The following NADK variants were observed in gnomAD, a reference collection of about 807,000 sequenced individuals.
NADK encodes NAD kinase, also known as poly(P)/ATP NAD kinase.
A neutral mutation model predicts 49.8 loss-of-function variants in NADK; 22 were observed. That is an observed-to-expected ratio of 0.44 (90% CI 0.32 to 0.63). The LOEUF (loss-of-function observed/expected upper bound fraction) is 0.63, where lower values mean the gene tolerates loss of function less well. Among genes scored for constraint, NADK ranks in the 30% least tolerant of loss-of-function variants. NADK has a pLI of 0.06. For missense variants in NADK, 438 were observed against 609.4 expected (o/e 0.72, Z 2.96); for synonymous variants, 268 against 253.7 (o/e 1.06, Z -0.54).
intron 1 of NADK, among the ~76,000 whole-genome samples, chr1:1,769,039 G>A (rs936231191): frequency 6.6e-6 from 1 of 152,200 alleles, no homozygotes; most frequent in Non-Finnish European, 1.5e-5. Flanking sequence ...CCCAGGCACC[G>A]GCACTTTAAA....
intron 3 of NADK, chr1:1,759,835 C>T (rs781121217): frequency 6.3e-5 from 97 of 1,551,234 alleles, no homozygotes; most frequent in East Asian, 9.8e-5. Flanking sequence ...CCGGTGACCC[C>T]GCCCTGGCCC....
Position 1,754,100 on chromosome 1 carries a change from T to A in NADK, c.1052A>T (p.His351Leu), listed in dbSNP as rs1348197141. The A allele has an allele frequency of 6.2e-7, 1 of 1,605,752 alleles. No homozygotes were observed. ...PAIMITPICP[H>L]SLSFRPIVVP... The stretch of plus-strand genomic sequence containing the variant: ...CACGATGGGCCGGAAGGACAGCGAG[T>A]GGGGGCAGATGGGCGTGATCATGAT... The change falls in exon 10 of 12, where the codon CAC (histidine) becomes CTC (leucine). Residue 351 changes from histidine (H) to leucine (L), a missense_variant. Physicochemically the swap from His to Leu is moderately conservative, Grantham distance 99. Transcript: ENST00000341426. This position sits in a 1 kb window ranked among gnomAD's most constrained non-coding sequence, Gnocchi z 4.3.
Position 1,765,151 on chromosome 1 carries a change from T to C in NADK, c.179+77A>G, listed in dbSNP as rs960666251. On this transcript the variant is annotated intron_variant, in intron 2 of 11. Transcript: ENST00000341426. ...ATCGACGCAGACTACTCAGGAGAAT[T>C]CTTCATAATCGTTTTAAGAAAGAAT... is the stretch of plus-strand genomic sequence containing the variant. 12 of 1,391,126 alleles carry C rather than the reference T, an allele frequency of 8.6e-6. No individual in the cohort carries two copies. In the African/African-American group the frequency reaches 1.7e-4, roughly 20 times the overall value. 86.2% of individuals were successfully genotyped at this position (1,391,126 alleles called of 1,614,324 possible).
intron 3 of NADK, 53 bp from the exon 4 acceptor site, chr1:1,757,363 A>C: frequency 6.8e-7 from 1 of 1,475,488 alleles, no homozygotes; most frequent in South Asian, 1.2e-5. Flanking sequence ...CTCTTGCGGA[A>C]AAGGTGTATG....
intron 1 of NADK, among the ~76,000 whole-genome samples, chr1:1,765,729 C>A (rs527884859): frequency 2.1e-4 from 32 of 151,372 alleles, no homozygotes; most frequent in Non-Finnish European, 4.1e-4. Context: ...CTCGCCTGAC[C>A]AATATGGTGA....
rs369884851 is a variant in NADK at position 1,754,060 on chromosome 1, G to A, written c.1092C>T (p.Val364=). 18 of 1,579,902 alleles carry A rather than the reference G, an allele frequency of 1.1e-5. No individual in the cohort carries two copies. The highest frequency in any genetic ancestry group is 1.9e-5 in the Admixed American group (1 of 52,286). Residue 364 remains valine, a synonymous_variant, in exon 10 of 12, where the codon GTC becomes GTT. Transcript: ENST00000341426. The surrounding 1 kb of genome is among the most constrained non-coding windows in gnomAD (Gnocchi z 4.3). ...TGTCGTTGGCTCTGACCTTCAGCTCGACCCCTGCGGGGACCACGATGGGCC... is the reference window on the plus strand; with the variant it reads ...TGTCGTTGGCTCTGACCTTCAGCTCAACCCCTGCGGGGACCACGATGGGCC... ...SFRPIVVPAG[V]ELKIMLSPEA...
intron 3 of NADK, chr1:1,758,689 C>CAG (rs371886731): frequency 7.1e-7 from 1 of 1,400,622 alleles, no homozygotes; most frequent in Non-Finnish European, 9.3e-7. Flanking sequence ...CAAAACAAAA[C>CAG]AGTTTCCTCA....
intron 1 of NADK, among the ~76,000 whole-genome samples, chr1:1,773,665 G>A (rs1302774361): frequency 1.3e-5 from 2 of 148,428 alleles, no homozygotes; most frequent in Non-Finnish European, 3.0e-5. Flanking sequence ...ACATTACCTA[G>A]AAGCTCTATT....
At position 1,752,774 on chromosome 1, in the gene NADK, T is replaced by C. The variant is rs1645365303; in HGVS notation, c.*130A>G. The C allele has an allele frequency of 1.8e-6, 2 of 1,114,956 alleles. No homozygotes were observed. The highest frequency in any genetic ancestry group is 3.1e-5 in the South Asian group (2 of 64,776). 69.1% of individuals were successfully genotyped at this position (1,114,956 alleles called of 1,614,324 possible). A position where few individuals can be genotyped will look rare whatever the true frequency, so the allele number is the denominator to read the frequency against. ...ATCTGGACAAAAGGCAGACCCAGGC[T>C]CTAACCCAGCTACAGAAAGGAAGTG... On this transcript the variant is annotated 3_prime_UTR_variant, in exon 12 of 12. Coordinates refer to ENST00000341426, the MANE Select transcript of NADK (RefSeq NM_023018.5).
rs956974974 is a variant in NADK, at chr1:1,756,309, G to A, written c.534C>T (p.Ile178=). ...YDDISNQIDF[I]ICLGGDGTLL... ...GCGTCCCGTCTCCCCCCAGGCAGATGATGAAGTCTATCTGATTGGAAATGT... is the reference window on the plus strand; with the variant it reads ...GCGTCCCGTCTCCCCCCAGGCAGATAATGAAGTCTATCTGATTGGAAATGT... Residue 178 remains isoleucine, a synonymous_variant, in exon 6 of 12, where the codon ATC becomes ATT. Coordinates refer to ENST00000341426, the MANE Select transcript of NADK (RefSeq NM_023018.5). The A allele has an allele frequency of 3.1e-6, 5 of 1,614,054 alleles. No individual in the cohort carries two copies. In the African/African-American group the frequency reaches 6.7e-5, roughly 22 times the overall value.
chr1:1,760,000 C>A, intron 3 of NADK: 1 of 1,341,392 alleles, frequency 7.5e-7, no homozygotes. Flanking sequence ...CGGGACAGAG[C>A]CACGGCGGGG....
chr1:1,760,116 CGGGCAATAGTGCAGGGGAGCT>C (rs1229823706), intron 3 of NADK, among the ~76,000 whole-genome samples: 1 of 152,146 alleles, frequency 6.6e-6, no homozygotes, highest in Non-Finnish European at 1.5e-5. Context: ...GGAGGGCAGC[CGGGCAATAGTGCAGGGGAGCT>C]GCTTGGATAT....
At chr1:1,757,348 T>A in intron 3 of NADK, 38 bp from the exon 4 acceptor site, 1 of 1,539,378 alleles carries the variant, frequency 6.5e-7, no homozygotes, top group Non-Finnish European at 8.9e-7. Flanking sequence ...CCAGCTGCGA[T>A]CTCCCTCTTG....
chr1:1,761,660 G>A (rs961473488), intron 3 of NADK: 13 of 317,046 alleles, frequency 4.1e-5, no homozygotes, highest in East Asian at 5.6e-5. Flanking sequence ...TCCAGGCCCC[G>A]GCTCGCCTGC....
rs751071301 is a variant in NADK, at chr1:1,753,014, G to A, written c.1231C>T (p.Arg411Trp). The A allele has an allele frequency of 3.1e-5, 50 of 1,609,342 alleles. No individual in the cohort carries two copies. The highest frequency in any genetic ancestry group is 7.8e-5 in the South Asian group (7 of 90,222). ...TCAAACCAGTCGCTCACGGGGTCCC[G>A]CACACAGATGGAGGGGAGCGGGTAG... is the stretch of plus-strand genomic sequence containing the variant. ...SCYPLPSICVRDPVSDWFESL... is the reference protein window; with the variant it reads ...SCYPLPSICVWDPVSDWFESL... Residue 411 changes from arginine to tryptophan, a missense_variant, in exon 12 of 12, where the codon CGG (arginine) becomes TGG (tryptophan). By Grantham distance (101) the Arg-to-Trp change is moderately radical. Transcript: ENST00000341426.
At position 1,759,372 on chromosome 1, in the gene NADK, C is replaced by T. The variant is rs766099925; in HGVS notation, c.264-2062G>A. 2.5e-4 allele frequency: 325 copies of T among 1,322,104 alleles called. 1 individual carries two copies. Among genetic ancestry groups the T allele is most frequent in the Non-Finnish European group, 3.0e-4 (303 of 997,436 alleles). 81.9% of individuals were successfully genotyped at this position (1,322,104 alleles called of 1,614,324 possible). On this transcript the variant is annotated intron_variant, in intron 3 of 11. Coordinates refer to ENST00000341426, the MANE Select transcript of NADK (RefSeq NM_023018.5). ...ACTGCACGGAGAGGGCAGGGGGTGG[C>T]GTGAAGCCAGCATGGCCACAGCCTG...
intron 7 of NADK, 84 bp downstream of exon 7, chr1:1,755,290 A>T: frequency 1.1e-6 from 1 of 940,184 alleles, no homozygotes; most frequent in Non-Finnish European, 1.7e-6. Context: ...ATGCATCATT[A>T]AATGAAAATA....
chr1:1,754,532 G>T lies in NADK; in HGVS notation c.843+12C>A, dbSNP rs761711454. Reference sequence around the variant, plus strand: ...CTGGGCCCCTCACCGAGGCCGAGGCGCCTCCACTCACCTGGTACTGCATGG... The same window carrying T: ...CTGGGCCCCTCACCGAGGCCGAGGCTCCTCCACTCACCTGGTACTGCATGG... On this transcript the variant is annotated intron_variant, in intron 8 of 11. Coordinates refer to ENST00000341426, the MANE Select transcript of NADK (RefSeq NM_023018.5). This position sits in a 1 kb window ranked among gnomAD's most constrained non-coding sequence, Gnocchi z 4.3. 6.2e-6 allele frequency: 10 copies of T among 1,605,460 alleles called. No individual in the cohort carries two copies. The highest frequency in any genetic ancestry group is 8.5e-6 in the Non-Finnish European group (10 of 1,175,528).
At chr1:1,759,156 A>G in intron 3 of NADK, 2 of 1,559,758 alleles carry the variant, frequency 1.3e-6, no homozygotes, top group Non-Finnish European at 1.7e-6. Flanking sequence ...GCCCAGCCAG[A>G]GCCACCAGCA....
Sources: gnomAD v4.1 joint callset for allele counts (sites outside exome capture counted in the v4.1 genomes callset) on GRCh38, gnomAD v4.1.1 for gene constraint, Gnocchi (gnomAD v3.1) non-coding constraint, MANE v1.5 for transcripts, NCBI Gene and HGNC (gene_info 2026-07-23, HGNC 2026-07-21) for gene names.